The following COL4A3 variants were observed in gnomAD, a reference collection of about 807,000 sequenced individuals.
The protein encoded by COL4A3 is collagen type IV alpha 3 chain, also known as collagen alpha-3(IV) chain.
COL4A3 carries 135 observed loss-of-function variants against 217.4 expected under a neutral mutation model. The ratio of observed to expected loss-of-function variants is 0.62; its 90% CI spans 0.54 to 0.72. The LOEUF (loss-of-function observed/expected upper bound fraction) is 0.72, where lower values mean the gene tolerates loss of function less well. COL4A3 is among the 30% of genes least tolerant of loss of function. The pLI is 0.00. For synonymous variants in COL4A3, 690 were observed against 736.3 expected (o/e 0.94, Z 1.02); for missense variants, 1,868 against 2,119.9 (o/e 0.88, Z 2.33).
chr2:227,294,925 C>A, intron 39 of COL4A3, 39 bp from the exon 40 acceptor site: 2 of 1,447,178 alleles, frequency 1.4e-6, no homozygotes, highest in Non-Finnish European at 1.9e-6. Context: ...TTTTGTATAC[C>A]ATAGTTTGGG....
chr2:227,251,833 C>T (rs1344658097), intron 11 of COL4A3, among the ~76,000 whole-genome samples: 1 of 152,086 alleles, frequency 6.6e-6, no homozygotes, highest in African/African-American at 2.4e-5. Context: ...CTTTGGGAGG[C>T]CAAGGTGGGT....
At chr2:227,169,672 G>A (rs2065407356) in intron 1 of COL4A3, among the ~76,000 whole-genome samples, 1 of 151,928 alleles carries the variant, frequency 6.6e-6, no homozygotes. Context: ...TGTGTTTTTT[G>A]GCTGCAAAAA....
At chr2:227,180,070 G>C (rs887899862) in intron 1 of COL4A3, among the ~76,000 whole-genome samples, 16 of 152,202 alleles carry the variant, frequency 1.1e-4, no homozygotes, top group Admixed American at 2.0e-4. Context: ...TAGAGTTACT[G>C]GGCGGTGCGG....
chr2:227,206,136 C>G (rs528500842), intron 1 of COL4A3, among the ~76,000 whole-genome samples: 1 of 151,954 alleles, frequency 6.6e-6, no homozygotes, highest in East Asian at 1.9e-4. Flanking sequence ...TGCAGTGGTG[C>G]GATCTCAGCT....
At chr2:227,290,201 A>C (rs2072599801) in intron 36 of COL4A3, 113 bp downstream of exon 36, 3 of 1,072,392 alleles carry the variant, frequency 2.8e-6, no homozygotes, top group Non-Finnish European at 2.8e-6. Context: ...TTATATTAAA[A>C]AACTAGATTT....
intron 1 of COL4A3, among the ~76,000 whole-genome samples, chr2:227,182,604 T>C (rs1251442078): frequency 1.3e-5 from 2 of 152,230 alleles, no homozygotes; most frequent in African/African-American, 4.8e-5. Context: ...GACTTCCTTA[T>C]ATCAAGTTGA....
intron 1 of COL4A3, among the ~76,000 whole-genome samples, chr2:227,184,103 C>G (rs1004342321): frequency 1.3e-5 from 2 of 152,222 alleles, no homozygotes; most frequent in African/African-American, 4.8e-5. Flanking sequence ...CATCAGGAAT[C>G]CAGACAATAG....
chr2:227,270,604 A>G (rs2071177081), intron 24 of COL4A3, among the ~76,000 whole-genome samples, 166 bp from the exon 25 acceptor site: 1 of 152,224 alleles, frequency 6.6e-6, no homozygotes, highest in African/African-American at 2.4e-5. Flanking sequence ...GGAAGTTAAC[A>G]ACAAAGCAAA....
Position 227,254,725 on chromosome 2 carries a change from G to T in COL4A3, c.888+10G>T. 1 of 1,605,974 alleles carries T rather than the reference G, an allele frequency of 6.2e-7. No homozygotes were observed. The highest frequency in any genetic ancestry group is 1.1e-5 in the South Asian group (1 of 90,894). On this transcript the variant is annotated intron_variant, in intron 15 of 51. Coordinates refer to ENST00000396578, the MANE Select transcript of COL4A3 (RefSeq NM_000091.5). ...AGACCCTGGCCTGCAGGTAAATTTGGAAATTCGGTGTCATGTGCAGTTTTG... is the reference window on the plus strand; with the variant it reads ...AGACCCTGGCCTGCAGGTAAATTTGTAAATTCGGTGTCATGTGCAGTTTTG...
Position 227,253,996 on chromosome 2 carries a change from C to A in COL4A3, c.766-116C>A. The A allele has an allele frequency of 1.1e-6, 1 of 951,622 alleles. No homozygotes were observed. Among genetic ancestry groups the A allele is most frequent in the Non-Finnish European group, 1.7e-6 (1 of 584,184 alleles). The allele number at this position is 951,622 out of a possible 1,614,324, so 58.9% of individuals were successfully genotyped here. A position where few individuals can be genotyped will look rare whatever the true frequency, so the allele number is the denominator to read the frequency against. ...TGTATTGGGTTGTGTTAACACGAGG[C>A]ACATTCATAGTTTGTAAACCCAGTT... On this transcript the variant is annotated intron_variant, in intron 13 of 51. Transcript: ENST00000396578. The surrounding 1 kb of genome is among the most constrained non-coding windows in gnomAD (Gnocchi z 4.4).
chr2:227,285,494 G>A (rs1214602869), intron 34 of COL4A3, among the ~76,000 whole-genome samples: 1 of 150,816 alleles, frequency 6.6e-6, no homozygotes, highest in South Asian at 2.1e-4. Context: ...ATAAAACTCT[G>A]CTAGGACTAG....
intron 1 of COL4A3, among the ~76,000 whole-genome samples, chr2:227,197,616 T>A (rs1053504567): frequency 6.6e-6 from 1 of 152,232 alleles, no homozygotes; most frequent in Non-Finnish European, 1.5e-5. Context: ...TTGACCATGT[T>A]TATGTCAAAA....
At position 227,253,731 on chromosome 2, in the gene COL4A3, C is replaced by G; in HGVS notation, c.765+93C>G. The G allele has an allele frequency of 9.0e-7, 1 of 1,106,284 alleles. No individual in the cohort carries two copies. Among genetic ancestry groups the G allele is most frequent in the East Asian group, 2.3e-5 (1 of 42,572 alleles). 68.5% of individuals were successfully genotyped at this position (1,106,284 alleles called of 1,614,324 possible). The stretch of plus-strand genomic sequence containing the variant: ...CACCTCTTTTACAAGCTCTTGTTAT[C>G]TAAGTCCAGCTCAGCCCAGCTCCCT... On this transcript the variant is annotated intron_variant, in intron 13 of 51. Coordinates refer to ENST00000396578, the MANE Select transcript of COL4A3 (RefSeq NM_000091.5). This position sits in a 1 kb window ranked among gnomAD's most constrained non-coding sequence, Gnocchi z 4.4.
At chr2:227,309,712 C>G (rs1035029737) in intron 50 of COL4A3, among the ~76,000 whole-genome samples, 14 of 152,222 alleles carry the variant, frequency 9.2e-5, no homozygotes, top group Non-Finnish European at 1.6e-4. Flanking sequence ...AGTGATTCTC[C>G]TGCCTCGGCC....
At chr2:227,299,245 A>T (rs1267866322) in intron 43 of COL4A3, among the ~76,000 whole-genome samples, 1 of 152,194 alleles carries the variant, frequency 6.6e-6, no homozygotes, top group Non-Finnish European at 1.5e-5. Flanking sequence ...AATACAAAAA[A>T]TTAGCTGGGC....
intron 11 of COL4A3, among the ~76,000 whole-genome samples, chr2:227,252,373 C>G (rs2069816913): frequency 1.3e-5 from 2 of 151,476 alleles, no homozygotes. Flanking sequence ...ATCACCACTC[C>G]CAGCTAATGC....
chr2:227,218,431 A>AC, intron 1 of COL4A3, among the ~76,000 whole-genome samples: 2 of 152,202 alleles, frequency 1.3e-5, no homozygotes, highest in Middle Eastern at 3.4e-3. Flanking sequence ...GTGCCACTGC[A>AC]CTCCAGCCTG....
chr2:227,167,543 A>G (rs2065322856), intron 1 of COL4A3, among the ~76,000 whole-genome samples: 1 of 152,252 alleles, frequency 6.6e-6, no homozygotes, highest in Non-Finnish European at 1.5e-5. Flanking sequence ...ATGTTCACAC[A>G]TTAAGATATC....
At chr2:227,268,956 C>T (rs1415597209) in intron 23 of COL4A3, among the ~76,000 whole-genome samples, 2 of 152,170 alleles carry the variant, frequency 1.3e-5, no homozygotes, top group Non-Finnish European at 2.9e-5. Context: ...AGTTTCTCTA[C>T]ATTTGGCCTA....
Sources: allele counts gnomAD v4.1 joint callset (sites outside exome capture counted in the v4.1 genomes callset), GRCh38; gene constraint gnomAD v4.1.1; non-coding constraint Gnocchi (gnomAD v3.1); transcripts MANE v1.5; gene names NCBI Gene and HGNC (gene_info 2026-07-23, HGNC 2026-07-21).